Variants in EFHD1 observed in about 807,000 individuals in gnomAD.
The protein encoded by EFHD1 is EF-hand domain-containing protein D1.
In EFHD1, 10 loss-of-function variants were observed where a neutral mutation model predicts 17.2. That is an observed-to-expected ratio of 0.58 (90% CI 0.36 to 0.99). The LOEUF is 0.99. EFHD1 is among the 50% of genes least tolerant of loss of function. The probability of loss-of-function intolerance (pLI) is 0.01; values close to 1 mark genes in which losing one functional copy is unlikely to be tolerated. For missense variants in EFHD1, 310 were observed against 327.5 expected, an observed-to-expected ratio of 0.95 and a Z score of 0.41; for synonymous variants, 153 against 142.0, an observed-to-expected ratio of 1.08 and a Z score of -0.55.
chr2:232,657,899 CTTT>C (rs1194396166), intron 1 of EFHD1, among the ~76,000 whole-genome samples: 5 of 100,658 alleles, frequency 5.0e-5, no homozygotes, highest in Non-Finnish European at 8.0e-5. Flanking sequence ...TCTTTCTTTT[CTTT>C]TTTTTTTTTT....
chr2:232,635,528 G>A (rs972212964), intron 1 of EFHD1, among the ~76,000 whole-genome samples: 1 of 152,152 alleles, frequency 6.6e-6, no homozygotes, highest in Non-Finnish European at 1.5e-5. Context: ...CCAGGATCAC[G>A]CAAAGGGGAG....
At chr2:232,632,316 C>G (rs370613653), upstream of EFHD1, among the ~76,000 whole-genome samples, 13 of 152,288 alleles carry the variant, frequency 8.5e-5, no homozygotes, top group East Asian at 2.1e-3. Flanking sequence ...CATTTTAACC[C>G]AGGTCCCCCG....
chr2:232,655,802 CTTTTTTTTTT>C (rs66762860), intron 1 of EFHD1, among the ~76,000 whole-genome samples: 20 of 133,280 alleles, frequency 1.5e-4, no homozygotes, highest in Admixed American at 2.9e-4. Flanking sequence ...TGTGTGGGGT[CTTTTTTTTTT>C]TTTTTTTTTT....
intron 1 of EFHD1, among the ~76,000 whole-genome samples, chr2:232,627,014 GTCTCTCTC>G (rs34012045): frequency 1.7e-4 from 12 of 69,784 alleles, no homozygotes; most frequent in Non-Finnish European, 3.0e-4. Context: ...GTGAGATCCT[GTCTCTCTC>G]TCTCTCTCTC....
intron 1 of EFHD1, among the ~76,000 whole-genome samples, chr2:232,653,447 G>A (rs1694695314): frequency 6.6e-6 from 1 of 151,930 alleles, no homozygotes; most frequent in African/African-American, 2.4e-5. Flanking sequence ...CGCGCCACCA[G>A]GTCCAGCTAA....
intron 1 of EFHD1, among the ~76,000 whole-genome samples, chr2:232,657,830 A>G (rs1310339625): frequency 6.8e-6 from 1 of 146,502 alleles, no homozygotes; most frequent in Non-Finnish European, 1.5e-5. Context: ...AAAAAAGAAT[A>G]CTAGTGTCCA....
chr2:232,645,309 C>T (rs776484087), intron 1 of EFHD1, among the ~76,000 whole-genome samples: 36 of 152,038 alleles, frequency 2.4e-4, no homozygotes, highest in Non-Finnish European at 5.0e-4. Flanking sequence ...CCCCCTGCCT[C>T]GTGCCCACGG....
chr2:232,645,229 G>A (rs940303128), intron 1 of EFHD1, among the ~76,000 whole-genome samples: 6 of 152,076 alleles, frequency 3.9e-5, no homozygotes, highest in Admixed American at 2.6e-4. Flanking sequence ...GCCCTGGAGC[G>A]GGCCACATCC....
intron 1 of EFHD1, among the ~76,000 whole-genome samples, chr2:232,607,996 T>C (rs1385356184): frequency 3.3e-5 from 5 of 151,988 alleles, no homozygotes; most frequent in African/African-American, 1.2e-4. Context: ...CAAGATAATA[T>C]GGAACTACAG....
At chr2:232,620,403 A>AT (rs1397587378) in intron 1 of EFHD1, among the ~76,000 whole-genome samples, 1 of 150,930 alleles carries the variant, frequency 6.6e-6, no homozygotes, top group Non-Finnish European at 1.5e-5. Flanking sequence ...AAAAAAAAAA[A>AT]GAGACAGAGT....
intron 1 of EFHD1, among the ~76,000 whole-genome samples, chr2:232,650,560 CTTTTTTTTTTT>C (rs71398730): frequency 4.1e-5 from 2 of 48,650 alleles, no homozygotes; most frequent in South Asian, 8.8e-4. Flanking sequence ...TCCCAAAGTG[CTTTTTTTTTTT>C]TTTTTTTTTT....
At chr2:232,631,020 G>A (rs1021612463), upstream of EFHD1, among the ~76,000 whole-genome samples, 3 of 152,060 alleles carry the variant, frequency 2.0e-5, no homozygotes, top group Admixed American at 2.0e-4. Flanking sequence ...GGGGCCAGGA[G>A]TTCAAAACCA....
intron 2 of EFHD1, among the ~76,000 whole-genome samples, chr2:232,669,308 G>A (rs1403272479): frequency 6.6e-6 from 1 of 152,200 alleles, no homozygotes; most frequent in Non-Finnish European, 1.5e-5. Flanking sequence ...GCTGCAGGTG[G>A]TTGAACATGG....
At chr2:232,625,670 ATTCC>A (rs1412568136) in intron 1 of EFHD1, among the ~76,000 whole-genome samples, 1 of 152,158 alleles carries the variant, frequency 6.6e-6, no homozygotes, top group Non-Finnish European at 1.5e-5. Context: ...TAGATTAATG[ATTCC>A]TCAAAGTGCT....
At chr2:232,609,221 G>A (rs1000668021) in intron 1 of EFHD1, among the ~76,000 whole-genome samples, 11 of 151,278 alleles carry the variant, frequency 7.3e-5, no homozygotes, top group South Asian at 2.1e-4. Flanking sequence ...CACCATGCCC[G>A]GCTAATTTTT....
rs551912662 is a variant in EFHD1 at position 232,672,237 on chromosome 2, C to T, written c.451-72C>T. 9 of 1,600,296 alleles carry T rather than the reference C, an allele frequency of 5.6e-6. No homozygotes were observed. In the South Asian group the frequency reaches 6.6e-5, roughly 12 times the overall value. ...TAAGTGATTGGCAGAGTGACTTCAG[C>T]TTGGACCAGAGGGCTGGTTATGAAT... On this transcript the variant is annotated intron_variant, in intron 2 of 3. Coordinates refer to ENST00000264059, the MANE Select transcript of EFHD1 (RefSeq NM_025202.4).
chr2:232,632,235 A>G (rs892324364), upstream of EFHD1, among the ~76,000 whole-genome samples: 2 of 152,198 alleles, frequency 1.3e-5, no homozygotes, highest in African/African-American at 2.4e-5. Context: ...CAAGTTGTTC[A>G]GTAGGAATGT....
At chr2:232,667,295 T>C (rs1409250950) in intron 2 of EFHD1, among the ~76,000 whole-genome samples, 2 of 152,040 alleles carry the variant, frequency 1.3e-5, no homozygotes, top group African/African-American at 4.8e-5. Context: ...AATCGAATTC[T>C]CTCTCTCGGG....
At chr2:232,625,767 G>A (rs917157419) in intron 1 of EFHD1, among the ~76,000 whole-genome samples, 12 of 152,100 alleles carry the variant, frequency 7.9e-5, no homozygotes, top group Admixed American at 2.0e-4. Context: ...CCCATGATGC[G>A]AAAGGAATGG....
Sources: allele counts gnomAD v4.1 joint callset (sites outside exome capture counted in the v4.1 genomes callset), GRCh38; gene constraint gnomAD v4.1.1; transcripts MANE v1.5; gene names NCBI Gene and HGNC (gene_info 2026-07-23, HGNC 2026-07-21).